The following REEP3 variants were observed in gnomAD, a reference collection of about 807,000 sequenced individuals.
The protein encoded by REEP3 is receptor accessory protein 3.
Under a neutral mutation model 41.3 loss-of-function variants are expected in REEP3, and 20 were observed. That is an observed-to-expected ratio of 0.48 (90% CI 0.34 to 0.70). The LOEUF (loss-of-function observed/expected upper bound fraction) is 0.70, where lower values mean the gene tolerates loss of function less well. Ranked by LOEUF, REEP3 falls within the 30% of genes least tolerant of loss-of-function variation. The probability of loss-of-function intolerance (pLI) is 0.01; values close to 1 mark genes in which losing one functional copy is unlikely to be tolerated. For missense variants in REEP3, 271 were observed against 308.8 expected, an observed-to-expected ratio of 0.88 and a Z score of 0.92; for synonymous variants, 104 against 101.8, an observed-to-expected ratio of 1.02 and a Z score of -0.13.
intron 2 of REEP3, among the ~76,000 whole-genome samples, chr10:63,577,846 C>T (rs1017464428): frequency 6.6e-6 from 1 of 152,084 alleles, no homozygotes; most frequent in African/African-American, 2.4e-5. Context: ...GTTCAGTTTT[C>T]TCAGGTCTCC....
intron 4 of REEP3, among the ~76,000 whole-genome samples, chr10:63,598,731 C>T (rs1956142214): frequency 2.0e-5 from 3 of 150,612 alleles, no homozygotes; most frequent in Admixed American, 2.0e-4. Flanking sequence ...TTGCAGTGAG[C>T]CGAGATTGCA....
At chr10:63,526,189 C>A (rs1474945920) in intron 1 of REEP3, among the ~76,000 whole-genome samples, 1 of 152,084 alleles carries the variant, frequency 6.6e-6, no homozygotes, top group Non-Finnish European at 1.5e-5. Flanking sequence ...TTGTAAGCAT[C>A]TTCTATGTTG....
At chr10:63,544,022 G>C (rs1437240091) in intron 1 of REEP3, among the ~76,000 whole-genome samples, 1 of 152,092 alleles carries the variant, frequency 6.6e-6, no homozygotes, top group East Asian at 1.9e-4. Flanking sequence ...ATGGAGAAAG[G>C]GTTCCTCACC....
intron 5 of REEP3, among the ~76,000 whole-genome samples, 199 bp from the exon 6 acceptor site, chr10:63,609,988 G>GA (rs1956265205): frequency 6.6e-6 from 1 of 152,076 alleles, no homozygotes; most frequent in Non-Finnish European, 1.5e-5. Context: ...TGAAATGCAT[G>GA]AAAAAATAAA....
intron 1 of REEP3, among the ~76,000 whole-genome samples, chr10:63,562,146 T>A (rs1026721168): frequency 6.6e-6 from 1 of 152,014 alleles, no homozygotes; most frequent in Admixed American, 6.6e-5. Context: ...CTAAGTTAAA[T>A]TGAAAAGCCC....
chr10:63,623,753 A>G lies in REEP3; in HGVS notation c.*2884A>G, dbSNP rs1004694775. The G allele has an allele frequency of 1.0e-4, 11 of 110,272 alleles. No individual in the cohort carries two copies. The highest frequency in any genetic ancestry group is 3.8e-4 in the African/African-American group (11 of 28,940). 6.8% of individuals were successfully genotyped at this position (110,272 alleles called of 1,614,324 possible). Reference sequence around the variant, plus strand: ...ATCCCCCTCACATACTTCACAATATATATGTGTGTGTGTGTGTGTGTGTGT... The same window carrying G: ...ATCCCCCTCACATACTTCACAATATGTATGTGTGTGTGTGTGTGTGTGTGT... On this transcript the variant is annotated 3_prime_UTR_variant, in exon 8 of 8. Coordinates refer to ENST00000373758, the MANE Select transcript of REEP3 (RefSeq NM_001001330.3).
chr10:63,523,551 G>A (rs552666838), intron 1 of REEP3, among the ~76,000 whole-genome samples: 7 of 152,214 alleles, frequency 4.6e-5, no homozygotes, highest in Non-Finnish European at 8.8e-5. Context: ...TAGGAGGATC[G>A]CTCAAATTCA....
chr10:63,574,451 T>C (rs1384566601), intron 2 of REEP3, among the ~76,000 whole-genome samples: 1 of 152,232 alleles, frequency 6.6e-6, no homozygotes, highest in East Asian at 1.9e-4. Flanking sequence ...TTATTTAACC[T>C]TTCTGTGCCT....
At chr10:63,544,584 T>C (rs1206395570) in intron 1 of REEP3, among the ~76,000 whole-genome samples, 8 of 151,964 alleles carry the variant, frequency 5.3e-5, no homozygotes, top group African/African-American at 1.7e-4. Flanking sequence ...AGAGAAGGAA[T>C]GATGAGCTTA....
In REEP3 at chr10:63,566,321, AT is replaced by A. The variant is rs752891897; in HGVS notation, c.33-9del. 8.8e-5 allele frequency: 130 copies of A among 1,471,914 alleles called. No individual in the cohort carries two copies. Among genetic ancestry groups the A allele is most frequent in the East Asian group, 1.5e-4 (6 of 40,658 alleles). The allele number at this position is 1,471,914 out of a possible 1,614,324, so 91.2% of individuals were successfully genotyped here. On this transcript the variant is annotated splice_polypyrimidine_tract_variant and intron_variant, in intron 1 of 7. Coordinates refer to ENST00000373758, the MANE Select transcript of REEP3 (RefSeq NM_001001330.3). ...ATTGTTGTGTTTGAACAGTATTCTC[AT>A]TTTTTTTACTTTTAGGCTGGTGTTT...
chr10:63,536,211 C>T (rs1434189460), intron 1 of REEP3, among the ~76,000 whole-genome samples: 2 of 152,192 alleles, frequency 1.3e-5, no homozygotes, highest in African/African-American at 4.8e-5. Flanking sequence ...GAGCTCCGGA[C>T]ATAGACCTTA....
intron 2 of REEP3, among the ~76,000 whole-genome samples, chr10:63,575,766 T>C (rs995835413): frequency 3.9e-5 from 6 of 152,194 alleles, no homozygotes; most frequent in Non-Finnish European, 8.8e-5. Context: ...GGTGTTTTGC[T>C]CTTGCTGCCC....
chr10:63,607,438 T>C (rs575120967), intron 5 of REEP3, among the ~76,000 whole-genome samples: 102 of 152,340 alleles, frequency 6.7e-4, no homozygotes, highest in African/African-American at 2.3e-3. Context: ...AGGTTGGGCC[T>C]TGCCTTGCTC....
chr10:63,522,010 G>C (rs1322490422), intron 1 of REEP3, among the ~76,000 whole-genome samples: 2 of 151,950 alleles, frequency 1.3e-5, no homozygotes, highest in South Asian at 2.1e-4. Flanking sequence ...CGCCGAGCGC[G>C]GGAGGCTCCG....
intron 1 of REEP3, among the ~76,000 whole-genome samples, chr10:63,557,622 G>T (rs1955701501): frequency 6.6e-6 from 1 of 152,094 alleles, no homozygotes; most frequent in African/African-American, 2.4e-5. Flanking sequence ...TTCTTGGTTT[G>T]CCTGGCACCT....
chr10:63,528,339 G>C (rs577556288), intron 1 of REEP3, among the ~76,000 whole-genome samples: 1 of 152,166 alleles, frequency 6.6e-6, no homozygotes, highest in East Asian at 1.9e-4. Context: ...AAAGACCTTG[G>C]GATCATACCA....
At chr10:63,552,893 T>A (rs192304084) in intron 1 of REEP3, among the ~76,000 whole-genome samples, 1 of 152,282 alleles carries the variant, frequency 6.6e-6, no homozygotes, top group Non-Finnish European at 1.5e-5. Context: ...TGTTTCTTTT[T>A]CTGTCAGGTT....
chr10:63,550,909 G>A (rs1158479415), intron 1 of REEP3, among the ~76,000 whole-genome samples: 2 of 152,022 alleles, frequency 1.3e-5, no homozygotes, highest in Non-Finnish European at 2.9e-5. Context: ...TAATACAAGG[G>A]TTCACAGATA....
At chr10:63,529,401 T>A (rs1048836230) in intron 1 of REEP3, among the ~76,000 whole-genome samples, 2 of 152,184 alleles carry the variant, frequency 1.3e-5, no homozygotes, top group African/African-American at 4.8e-5. Context: ...TTAACAAATA[T>A]AGGAAAGAAA....
Sources: gnomAD v4.1 joint callset for allele counts (sites outside exome capture counted in the v4.1 genomes callset) on GRCh38, gnomAD v4.1.1 for gene constraint, MANE v1.5 for transcripts, NCBI Gene and HGNC (gene_info 2026-07-23, HGNC 2026-07-21) for gene names.